Variants in EPHA5 observed in about 807,000 individuals in gnomAD.
EPHA5 encodes the protein EPH receptor A5.
In EPHA5, 60 loss-of-function variants were observed where a neutral mutation model predicts 105.0. The observed-to-expected ratio is 0.57, with a 90% CI of 0.46 to 0.71. The LOEUF (loss-of-function observed/expected upper bound fraction) is 0.71. EPHA5 is among the 30% of genes least tolerant of loss of function. The pLI is 0.00. For synonymous variants in EPHA5, 513 were observed against 449.1 expected, an observed-to-expected ratio of 1.14 and a Z score of -1.80; for missense variants, 1,218 against 1,274.7, an observed-to-expected ratio of 0.96 and a Z score of 0.68.
intron 15 of EPHA5, among the ~76,000 whole-genome samples, chr4:65,335,326 T>G (rs990457270): frequency 1.3e-5 from 2 of 152,050 alleles, no homozygotes; most frequent in African/African-American, 4.8e-5. Flanking sequence ...TGCATTCATG[T>G]GCTATTCAGA....
chr4:65,654,078 C>T (rs1748848766), intron 1 of EPHA5, among the ~76,000 whole-genome samples: 1 of 151,964 alleles, frequency 6.6e-6, no homozygotes, highest in Admixed American at 6.6e-5. Flanking sequence ...ATCGGTGCTT[C>T]TCTTTCCCTT....
chr4:65,585,819 A>G (rs944296606), intron 3 of EPHA5, among the ~76,000 whole-genome samples: 4 of 151,704 alleles, frequency 2.6e-5, no homozygotes, highest in African/African-American at 9.7e-5. Flanking sequence ...ATAAAGGAGC[A>G]TATGTTTTTC....
At chr4:65,636,018 C>T (rs1747092990) in intron 2 of EPHA5, among the ~76,000 whole-genome samples, 1 of 151,966 alleles carries the variant, frequency 6.6e-6, no homozygotes, top group South Asian at 2.1e-4. Flanking sequence ...TAGTGTATTT[C>T]TATGAAGTTT....
chr4:65,489,888 T>C (rs1731238232), intron 5 of EPHA5, among the ~76,000 whole-genome samples: 1 of 152,204 alleles, frequency 6.6e-6, no homozygotes, highest in South Asian at 2.1e-4. Context: ...TTTCATTGCA[T>C]GCATTTTTGC....
At chr4:65,639,523 T>A (rs1423423597) in intron 2 of EPHA5, among the ~76,000 whole-genome samples, 1 of 152,196 alleles carries the variant, frequency 6.6e-6, no homozygotes, top group Non-Finnish European at 1.5e-5. Flanking sequence ...AAATTCTCCC[T>A]CTTTGGCTTT....
intron 3 of EPHA5, among the ~76,000 whole-genome samples, chr4:65,570,781 C>G (rs369298500): frequency 6.6e-6 from 1 of 151,904 alleles, no homozygotes; most frequent in Non-Finnish European, 1.5e-5. Context: ...TACTGTCAGT[C>G]TGTGACTATA....
At chr4:65,414,558 C>T in intron 6 of EPHA5, 115 bp from the exon 7 acceptor site, 1 of 1,109,072 alleles carries the variant, frequency 9.0e-7, no homozygotes, top group South Asian at 1.6e-5. Context: ...TCTATTAGTA[C>T]AAATATAACA....
intron 3 of EPHA5, among the ~76,000 whole-genome samples, chr4:65,513,698 T>A (rs1428880961): frequency 6.6e-6 from 1 of 152,204 alleles, no homozygotes; most frequent in Non-Finnish European, 1.5e-5. Context: ...AAAAGATTTC[T>A]AAGTACTTCT....
chr4:65,523,784 G>A (rs114534349), intron 3 of EPHA5, among the ~76,000 whole-genome samples: 397 of 151,986 alleles, frequency 2.6e-3, no homozygotes, highest in African/African-American at 9.0e-3. Flanking sequence ...AAAGACTACT[G>A]ACTAAGAGAT....
intron 8 of EPHA5, among the ~76,000 whole-genome samples, chr4:65,369,324 T>G (rs1339915000): frequency 6.6e-6 from 1 of 152,180 alleles, no homozygotes; most frequent in Admixed American, 6.6e-5. Context: ...AAATTATTTT[T>G]AGTGAAACTC....
At chr4:65,664,431 A>G (rs1446187331) in intron 1 of EPHA5, among the ~76,000 whole-genome samples, 2 of 151,930 alleles carry the variant, frequency 1.3e-5, no homozygotes, top group East Asian at 3.8e-4. Context: ...TTAAAAAATG[A>G]ACCCATTTTA....
At chr4:65,620,813 A>G (rs1560783230) in intron 2 of EPHA5, among the ~76,000 whole-genome samples, 1 of 152,208 alleles carries the variant, frequency 6.6e-6, no homozygotes, top group Non-Finnish European at 1.5e-5. Flanking sequence ...TTCAGAAAAC[A>G]TCCGGTAACT....
intron 11 of EPHA5, among the ~76,000 whole-genome samples, chr4:65,362,513 T>C (rs1717425920): frequency 6.6e-6 from 1 of 151,732 alleles, no homozygotes; most frequent in African/African-American, 2.4e-5. Context: ...ATATTGTTGG[T>C]ATTTACAGTT....
chr4:65,508,664 A>G (rs1366868960), intron 3 of EPHA5, among the ~76,000 whole-genome samples: 1 of 152,160 alleles, frequency 6.6e-6, no homozygotes, highest in African/African-American at 2.4e-5. Context: ...AATTACAACA[A>G]AAAGAAACTT....
Position 65,592,080 on chromosome 4 carries a change from G to T in EPHA5, c.910+9561C>A, listed in dbSNP as rs137920771. On this transcript the variant is annotated intron_variant, in intron 3 of 16. Coordinates refer to ENST00000613740, the MANE Select transcript of EPHA5 (RefSeq NM_001281766.3). ...TATACCTGGGGAGCTATAAAATTTA[G>T]AATTCGTGAGTTTTCAGAAGGCTTT... Among the ~76,000 whole-genome samples, 127 of 152,026 alleles carry T rather than the reference G, an allele frequency of 8.4e-4. 1 individual carries two copies. The East Asian group carries it at 0.023, about 28-fold the overall frequency.
chr4:65,633,240 A>T (rs912343199), intron 2 of EPHA5, among the ~76,000 whole-genome samples: 14 of 152,080 alleles, frequency 9.2e-5, no homozygotes, highest in Admixed American at 3.3e-4. Context: ...TGATTACAGT[A>T]TATTTTTTCT....
intron 5 of EPHA5, among the ~76,000 whole-genome samples, chr4:65,430,191 C>T (rs2149060929): frequency 6.6e-6 from 1 of 152,084 alleles, no homozygotes; most frequent in East Asian, 1.9e-4. Flanking sequence ...ACAGATCACG[C>T]AGAGAAATTT....
intron 5 of EPHA5, among the ~76,000 whole-genome samples, chr4:65,424,468 T>G (rs902032835): frequency 1.3e-5 from 2 of 152,096 alleles, no homozygotes; most frequent in East Asian, 3.8e-4. Context: ...GGAACAATAA[T>G]ATAAATTCAT....
At chr4:65,586,568 C>T (rs1742146673) in intron 3 of EPHA5, among the ~76,000 whole-genome samples, 1 of 151,766 alleles carries the variant, frequency 6.6e-6, no homozygotes, top group South Asian at 2.1e-4. Flanking sequence ...CCCTGTCATT[C>T]CAGTAATTAA....
Sources: gnomAD v4.1 joint callset for allele counts (sites outside exome capture counted in the v4.1 genomes callset) on GRCh38, gnomAD v4.1.1 for gene constraint, MANE v1.5 for transcripts, NCBI Gene and HGNC (gene_info 2026-07-23, HGNC 2026-07-21) for gene names.